BTBD2: variants seen among roughly 807,000 people sequenced by gnomAD.
BTBD2 encodes BTB domain containing 2, also known as BTB/POZ domain-containing protein 2.
BTBD2 carries 15 observed loss-of-function variants against 44.0 expected under a neutral mutation model. The observed-to-expected ratio is 0.34, with a 90% CI of 0.23 to 0.53. The LOEUF is 0.53. BTBD2 is among the 20% of genes least tolerant of loss of function. BTBD2 has a pLI of 0.95. For synonymous variants in BTBD2, 443 were observed against 335.9 expected (o/e 1.32, Z -3.49); for missense variants, 657 against 746.4 (o/e 0.88, Z 1.39).
At position 1,997,338 on chromosome 19, in the gene BTBD2, C is replaced by A; in HGVS notation, c.527+6G>T. ...CTCCCCAGCAGGAAGCATCCGGAAGCATTACTTGAGCAGTGCGAGGAAGGC... is the reference window on the plus strand; with the variant it reads ...CTCCCCAGCAGGAAGCATCCGGAAGAATTACTTGAGCAGTGCGAGGAAGGC... On this transcript the variant is annotated splice_donor_region_variant and intron_variant, in intron 2 of 8. Coordinates refer to ENST00000255608, the MANE Select transcript of BTBD2 (RefSeq NM_017797.4). 1 of 1,614,110 alleles carries A rather than the reference C, an allele frequency of 6.2e-7. No homozygotes were observed. The highest frequency in any genetic ancestry group is 8.5e-7 in the Non-Finnish European group (1 of 1,180,000).
Position 1,987,631 on chromosome 19 carries a change from G to C in BTBD2, c.1050C>G (p.Thr350=), listed in dbSNP as rs767899840. Reference sequence around the variant, plus strand: ...ACTCCACTCGTGGCTTGGGGTTGACGGTGAAGTGCAGGAAGAGGCTGACCA... The same window carrying C: ...ACTCCACTCGTGGCTTGGGGTTGACCGTGAAGTGCAGGAAGAGGCTGACCA... ...REVVSLFLHF[T]VNPKPRVEFI... is the part of the protein sequence containing the mutation. Residue 350 remains threonine, a synonymous_variant, in exon 6 of 9, where the codon ACC becomes ACG. Transcript: ENST00000255608. 6.2e-7 allele frequency: 1 copy of C among 1,612,476 alleles called. No homozygotes were observed. The highest frequency in any genetic ancestry group is 1.1e-5 in the South Asian group (1 of 90,938).
chr19:1,999,252 C>T (rs947499904), intron 1 of BTBD2, among the ~76,000 whole-genome samples: 1 of 152,214 alleles, frequency 6.6e-6, no homozygotes, highest in Non-Finnish European at 1.5e-5. Flanking sequence ...ACCACAGCTT[C>T]CACATCCGCC....
At chr19:1,989,895 A>G in intron 5 of BTBD2, 109 bp downstream of exon 5, 1 of 1,284,294 alleles carries the variant, frequency 7.8e-7, no homozygotes, top group South Asian at 1.3e-5. Context: ...TATGCCAGGC[A>G]TCTGCCAGGC....
intron 3 of BTBD2, 60 bp downstream of exon 3, chr19:1,992,960 C>T: frequency 1.2e-6 from 1 of 850,628 alleles, no homozygotes; most frequent in South Asian, 1.8e-5. Context: ...GTCCGCCCCA[C>T]CCCGGCCCCG....
intron 1 of BTBD2, among the ~76,000 whole-genome samples, chr19:1,998,428 G>A (rs2016280389): frequency 6.6e-6 from 1 of 152,230 alleles, no homozygotes; most frequent in Non-Finnish European, 1.5e-5. Flanking sequence ...GCAGGAGCGT[G>A]GGAGGAGCGT....
rs772672296 is a variant in BTBD2, at chr19:1,990,803, G to A, written c.704C>T (p.Pro235Leu). 2 of 1,581,838 alleles carry A rather than the reference G, an allele frequency of 1.3e-6. No homozygotes were observed. Among genetic ancestry groups the A allele is most frequent in the South Asian group, 1.2e-5 (1 of 86,594 alleles). ...LLTQARLFDE[P>L]QLASLCLENI... is the part of the protein sequence containing the mutation. ...CTCCAGGCACAGGCTGGCCAGCTGC[G>A]GTTCATCGAAGAGTCGCGCCTGGCA... The change falls in exon 4 of 9, where the codon CCG (proline) becomes CTG (leucine). Residue 235 changes from proline (P) to leucine (L), a missense_variant. Transcript: ENST00000255608.
At chr19:2,002,975 G>A (rs909275089) in intron 1 of BTBD2, 1 of 151,798 alleles carries the variant, frequency 6.6e-6, no homozygotes, top group Non-Finnish European at 1.5e-5. Context: ...CACAGTGCCA[G>A]AACTCCTATG....
intron 5 of BTBD2, 62 bp downstream of exon 5, chr19:1,989,931 ATCCTCGGTACC>A: frequency 6.5e-7 from 1 of 1,539,880 alleles, no homozygotes; most frequent in Non-Finnish European, 8.9e-7. Flanking sequence ...CGGGGGCACT[ATCCTCGGTACC>A]CAGATGCCCA....
intron 1 of BTBD2, among the ~76,000 whole-genome samples, chr19:2,011,040 C>T (rs1166754076): frequency 6.6e-6 from 1 of 152,162 alleles, no homozygotes; most frequent in Non-Finnish European, 1.5e-5. Flanking sequence ...TCTGAGTGAC[C>T]TTGTTTCAAT....
intron 5 of BTBD2, 140 bp downstream of exon 5, chr19:1,989,863 GC>G: frequency 1.1e-5 from 11 of 984,250 alleles, no homozygotes; most frequent in Non-Finnish European, 1.6e-5. Context: ...GTCCTCACAA[GC>G]CAGGTTTCTT....
chr19:2,006,241 C>CA (rs1307671055), intron 1 of BTBD2, among the ~76,000 whole-genome samples: 2 of 152,322 alleles, frequency 1.3e-5, no homozygotes, highest in African/African-American at 4.8e-5. Context: ...TCCGTACTGG[C>CA]ACATGAGTGC....
intron 1 of BTBD2, among the ~76,000 whole-genome samples, chr19:1,998,561 G>A (rs192601311): frequency 5.3e-5 from 8 of 152,298 alleles, no homozygotes; most frequent in Admixed American, 4.6e-4. Flanking sequence ...CTTCGATATC[G>A]CCACAGGCAG....
chr19:1,992,379 C>A (rs1297443847), intron 3 of BTBD2, among the ~76,000 whole-genome samples: 2 of 151,850 alleles, frequency 1.3e-5, no homozygotes, highest in Non-Finnish European at 2.9e-5. Flanking sequence ...GGATTACAGG[C>A]ATGAACCACA....
In BTBD2 at chr19:1,990,704, C is replaced by A; in HGVS notation, c.790+13G>T. On this transcript the variant is annotated intron_variant, in intron 4 of 8. Transcript: ENST00000255608. ...CCGCTGGGATTCCCACACCTGGGCT[C>A]CTGGGCCCTTACCCAGGTCAATGTC... 1 of 1,586,082 alleles carries A rather than the reference C, an allele frequency of 6.3e-7. No individual in the cohort carries two copies. The highest frequency in any genetic ancestry group is 8.6e-7 in the Non-Finnish European group (1 of 1,166,544).
At chr19:2,004,425 G>C (rs929649158) in intron 1 of BTBD2, among the ~76,000 whole-genome samples, 1 of 151,644 alleles carries the variant, frequency 6.6e-6, no homozygotes, top group Non-Finnish European at 1.5e-5. Flanking sequence ...AGCCTCCCGA[G>C]TAGCTGGGAT....
At chr19:1,991,043 C>A in intron 3 of BTBD2, 1 of 514,586 alleles carries the variant, frequency 1.9e-6, no homozygotes, top group East Asian at 3.5e-5. Flanking sequence ...AGTTCCCTCT[C>A]AGGACCTCAG....
intron 1 of BTBD2, 55 bp from the exon 2 acceptor site, chr19:1,997,518 G>A (rs913776243): frequency 1.2e-5 from 19 of 1,605,790 alleles, no homozygotes; most frequent in African/African-American, 2.7e-5. Context: ...CCCCACGGCC[G>A]GGAGGGCCAG....
intron 1 of BTBD2, among the ~76,000 whole-genome samples, chr19:2,007,316 C>A (rs35564315): frequency 0.2 from 30,412 of 152,120 alleles, 3,474 homozygotes; most frequent in East Asian, 0.3. Flanking sequence ...GAACACAGCT[C>A]TTCTTGCTCA....
At chr19:1,999,987 A>G (rs1477717234) in intron 1 of BTBD2, among the ~76,000 whole-genome samples, 2 of 151,054 alleles carry the variant, frequency 1.3e-5, no homozygotes, top group African/African-American at 4.9e-5. Flanking sequence ...AAAAAAAAAG[A>G]AAAAGAAAAA....
Sources: allele counts gnomAD v4.1 joint callset (sites outside exome capture counted in the v4.1 genomes callset), GRCh38; gene constraint gnomAD v4.1.1; transcripts MANE v1.5; gene names NCBI Gene and HGNC (gene_info 2026-07-23, HGNC 2026-07-21).